Variants in LINGO2 observed in about 807,000 individuals in gnomAD.
LINGO2 encodes the protein leucine-rich repeat and immunoglobulin-like domain-containing nogo receptor-interacting protein 2.
A neutral mutation model predicts 30.6 loss-of-function variants in LINGO2; 14 were observed. The ratio of observed to expected loss-of-function variants is 0.46; its 90% CI spans 0.30 to 0.72. The LOEUF (loss-of-function observed/expected upper bound fraction) is 0.72, where lower values mean the gene tolerates loss of function less well. LINGO2 is among the 30% of genes least tolerant of loss of function. The probability of loss-of-function intolerance (pLI) is 0.07; values close to 1 mark genes in which losing one functional copy is unlikely to be tolerated. For synonymous variants in LINGO2, 317 were observed against 288.5 expected (o/e 1.10, Z -1.00); for missense variants, 729 against 751.7 (o/e 0.97, Z 0.35).
chr9:28,196,840 G>A (rs1289384886), intron 4 of LINGO2, among the ~76,000 whole-genome samples: 2 of 151,826 alleles, frequency 1.3e-5, no homozygotes, highest in East Asian at 3.9e-4. Context: ...ATATGTAGGA[G>A]CCAAAAAAAT....
At chr9:27,963,263 T>A (rs952597992) in intron 5 of LINGO2, among the ~76,000 whole-genome samples, 1 of 152,148 alleles carries the variant, frequency 6.6e-6, no homozygotes, top group Non-Finnish European at 1.5e-5. Context: ...GGATAATGGT[T>A]TCGTTTGTTG....
chr9:28,129,256 C>T lies in LINGO2; in HGVS notation c.-86-116851G>A, dbSNP rs567651863. Among the ~76,000 whole-genome samples, 1 of 152,126 alleles carries T rather than the reference C, an allele frequency of 6.6e-6. No homozygotes were observed. Among genetic ancestry groups the T allele is most frequent in the African/African-American group, 2.4e-5 (1 of 41,424 alleles). ...CCTGGTAATCGTGGGAGTCAATTCT[C>T]CTTAATAAACTCCTTTTGGTATATA... is the stretch of plus-strand genomic sequence containing the variant. On this transcript the variant is annotated intron_variant, in intron 4 of 5. Coordinates refer to ENST00000379992, the Ensembl canonical transcript of LINGO2. The surrounding 1 kb of genome is among the most constrained non-coding windows in gnomAD (Gnocchi z 4.0).
At chr9:28,905,467 A>T in the LINGO2 span, among the ~76,000 whole-genome samples, 1 of 151,948 alleles carries the variant, frequency 6.6e-6, no homozygotes, top group African/African-American at 2.4e-5. Context: ...AAATAATGTG[A>T]CTAAAAATAG....
At chr9:28,917,800 A>C in the LINGO2 span, among the ~76,000 whole-genome samples, 5 of 152,122 alleles carry the variant, frequency 3.3e-5, no homozygotes, top group Non-Finnish European at 7.4e-5. Context: ...GAAAGTTGGG[A>C]AGTTCAGCTC....
At chr9:28,315,219 A>G (rs1415620785) in intron 3 of LINGO2, among the ~76,000 whole-genome samples, 2 of 151,694 alleles carry the variant, frequency 1.3e-5, no homozygotes, top group African/African-American at 4.8e-5. Context: ...CCTGCCCAAA[A>G]TGGTGAAACC....
chr9:28,206,469 C>A (rs1820413602), intron 4 of LINGO2, among the ~76,000 whole-genome samples: 1 of 152,122 alleles, frequency 6.6e-6, no homozygotes, highest in Non-Finnish European at 1.5e-5. Context: ...ATGTCTCAGC[C>A]TGCACTGTCC....
chr9:28,055,409 C>T (rs180940805), intron 4 of LINGO2, among the ~76,000 whole-genome samples: 2 of 152,080 alleles, frequency 1.3e-5, no homozygotes, highest in African/African-American at 2.4e-5. Context: ...GCTATTTTAG[C>T]TATTGCCACA....
At chr9:29,059,954 G>C in the LINGO2 span, among the ~76,000 whole-genome samples, 7 of 152,046 alleles carry the variant, frequency 4.6e-5, no homozygotes, top group African/African-American at 7.2e-5. Flanking sequence ...GCCCACTACA[G>C]ATTCTCTCTC....
At chr9:28,375,487 A>T (rs577172701) in intron 2 of LINGO2, among the ~76,000 whole-genome samples, 1 of 152,364 alleles carries the variant, frequency 6.6e-6, no homozygotes, top group African/African-American at 2.4e-5. Flanking sequence ...ATAATTCTGC[A>T]TAATATCATC....
the LINGO2 span, among the ~76,000 whole-genome samples, chr9:29,004,305 T>C: frequency 6.6e-6 from 1 of 151,996 alleles, no homozygotes; most frequent in Admixed American, 6.6e-5. Context: ...TAACATTTTA[T>C]GGTATTTTAT....
At chr9:29,040,278 A>G in the LINGO2 span, among the ~76,000 whole-genome samples, 25 of 152,100 alleles carry the variant, frequency 1.6e-4, no homozygotes, top group Non-Finnish European at 1.5e-5. Flanking sequence ...TGTAGCATAA[A>G]GGTAAAATAT....
intron 2 of LINGO2, among the ~76,000 whole-genome samples, chr9:28,466,492 T>C (rs1183234035): frequency 3.3e-5 from 5 of 152,246 alleles, no homozygotes; most frequent in Middle Eastern, 3.4e-3. Context: ...TGATGATAAA[T>C]GGGTACAAAT....
intron 1 of LINGO2, among the ~76,000 whole-genome samples, chr9:28,489,350 A>C (rs966277253): frequency 2.0e-5 from 3 of 152,058 alleles, no homozygotes; most frequent in African/African-American, 7.2e-5. Context: ...TTGTATTTTT[A>C]GTAGATACAG....
chr9:28,314,852 G>A (rs1824776434), intron 3 of LINGO2, among the ~76,000 whole-genome samples: 1 of 151,744 alleles, frequency 6.6e-6, no homozygotes, highest in South Asian at 2.1e-4. Context: ...GGGCGTGGTG[G>A]CGGGCACCTG....
intron 4 of LINGO2, among the ~76,000 whole-genome samples, chr9:28,097,261 A>G (rs1233576291): frequency 1.3e-5 from 2 of 152,114 alleles, no homozygotes; most frequent in Non-Finnish European, 2.9e-5. Context: ...TTCAATCATC[A>G]TGGAAGTCAG....
chr9:29,024,271 T>G, the LINGO2 span, among the ~76,000 whole-genome samples: 1 of 152,110 alleles, frequency 6.6e-6, no homozygotes, highest in Non-Finnish European at 1.5e-5. Context: ...CTTTAATATA[T>G]CTATTAAAGG....
chr9:27,981,534 C>CCAAAA (rs1554648991), intron 5 of LINGO2, among the ~76,000 whole-genome samples: 1 of 39,858 alleles, frequency 2.5e-5, no homozygotes, highest in African/African-American at 8.5e-5. Context: ...ACGAGGATGG[C>CCAAAA]AAAAAAAAAA....
chr9:29,000,707 TA>T, the LINGO2 span, among the ~76,000 whole-genome samples: 2 of 151,816 alleles, frequency 1.3e-5, no homozygotes, highest in African/African-American at 4.8e-5. Flanking sequence ...TTCCCACCAT[TA>T]AAAAAAATTA....
At chr9:28,073,712 T>A (rs2133185978) in intron 4 of LINGO2, among the ~76,000 whole-genome samples, 1 of 152,344 alleles carries the variant, frequency 6.6e-6, no homozygotes, top group South Asian at 2.1e-4. Context: ...CCAGTCAATC[T>A]TGTTCTTTGG....
Sources: gnomAD v4.1 joint callset for allele counts (sites outside exome capture counted in the v4.1 genomes callset) on GRCh38, gnomAD v4.1.1 for gene constraint, Gnocchi (gnomAD v3.1) non-coding constraint, MANE v1.5 for transcripts, NCBI Gene and HGNC (gene_info 2026-07-23, HGNC 2026-07-21) for gene names.